Variants in COL28A1 observed in about 807,000 individuals in gnomAD.
COL28A1 encodes the protein collagen alpha-1(XXVIII) chain.
A neutral mutation model predicts 150.2 loss-of-function variants in COL28A1; 161 were observed. That is an observed-to-expected ratio of 1.07 (90% CI 0.94 to 1.22). The LOEUF is 1.22. COL28A1 is among the 50% of genes most tolerant of loss of function. The pLI is 0.00. For synonymous variants in COL28A1, 552 were observed against 469.7 expected, an observed-to-expected ratio of 1.18 and a Z score of -2.26; for missense variants, 1,617 against 1,388.3, an observed-to-expected ratio of 1.16 and a Z score of -2.62.
At chr7:7,449,396 G>A (rs192711821) in intron 18 of COL28A1, among the ~76,000 whole-genome samples, 72 of 152,060 alleles carry the variant, frequency 4.7e-4, no homozygotes, top group African/African-American at 7.9e-4. Flanking sequence ...AAAAAAGAAG[G>A]AAGCTTCCTT....
At chr7:7,490,225 A>G (rs936486905) in intron 12 of COL28A1, among the ~76,000 whole-genome samples, 5 of 152,132 alleles carry the variant, frequency 3.3e-5, no homozygotes, top group East Asian at 1.9e-4. Context: ...TGCTTATTCA[A>G]TGTGAACCAT....
intron 13 of COL28A1, among the ~76,000 whole-genome samples, chr7:7,486,252 T>C (rs56220786): frequency 0.17 from 26,355 of 152,148 alleles, 2,735 homozygotes; most frequent in African/African-American, 0.29. Context: ...TGTTCATTAC[T>C]AGTATACAGA....
intron 1 of COL28A1, among the ~76,000 whole-genome samples, chr7:7,535,469 A>G (rs1237659032): frequency 6.6e-6 from 1 of 152,150 alleles, no homozygotes; most frequent in Non-Finnish European, 1.5e-5. Flanking sequence ...CCCTGTTCCA[A>G]ATTAAGAAAA....
intron 27 of COL28A1, among the ~76,000 whole-genome samples, chr7:7,384,766 A>T (rs1462497660): frequency 1.3e-5 from 2 of 152,208 alleles, no homozygotes; most frequent in Admixed American, 6.5e-5. Flanking sequence ...AGAACCCTGG[A>T]TAGGAATTTG....
At position 7,432,458 on chromosome 7, in the gene COL28A1, ACT is replaced by A. The variant is rs746003481; in HGVS notation, c.1998+13_1998+14del. ...ACTCTTAGAAGCTAGTACGTTGCCT[ACT>A]TTAAAGTCTTACCTTTGCTCCAGTG... On this transcript the variant is annotated intron_variant, in intron 25 of 34. Transcript: ENST00000399429. The A allele has an allele frequency of 1.2e-6, 2 of 1,612,044 alleles. No individual in the cohort carries two copies. The highest frequency in any genetic ancestry group is 1.7e-6 in the Non-Finnish European group (2 of 1,178,214).
At chr7:7,407,955 A>T (rs1485759958) in intron 27 of COL28A1, among the ~76,000 whole-genome samples, 2 of 152,194 alleles carry the variant, frequency 1.3e-5, no homozygotes, top group African/African-American at 4.8e-5. Flanking sequence ...AAAAGACTTT[A>T]AGGCCAAAAG....
At chr7:7,425,871 A>C (rs1276338054) in intron 25 of COL28A1, among the ~76,000 whole-genome samples, 1 of 152,224 alleles carries the variant, frequency 6.6e-6, no homozygotes, top group East Asian at 1.9e-4. Flanking sequence ...AGTGACAAGG[A>C]AACAACCCAT....
chr7:7,502,081 G>C (rs568650457), intron 11 of COL28A1, among the ~76,000 whole-genome samples: 1 of 152,280 alleles, frequency 6.6e-6, no homozygotes, highest in African/African-American at 2.4e-5. Context: ...TGTTAGTAGA[G>C]ACGGGGTTTC....
intron 33 of COL28A1, among the ~76,000 whole-genome samples, chr7:7,364,751 T>C (rs1187877732): frequency 6.6e-6 from 1 of 152,228 alleles, no homozygotes; most frequent in East Asian, 1.9e-4. Flanking sequence ...CACTATCTTG[T>C]ATAATTTCTT....
chr7:7,368,497 G>A (rs180932206), intron 33 of COL28A1, among the ~76,000 whole-genome samples: 145 of 151,964 alleles, frequency 9.5e-4, no homozygotes, highest in African/African-American at 3.4e-3. Flanking sequence ...GATGCCTTAT[G>A]TAATGAACTA....
chr7:7,489,196 G>A (rs1301688553), intron 13 of COL28A1, among the ~76,000 whole-genome samples, 193 bp downstream of exon 13: 1 of 152,220 alleles, frequency 6.6e-6, no homozygotes, highest in Non-Finnish European at 1.5e-5. Flanking sequence ...CTTGCACCCA[G>A]GAGGTGGTGG....
chr7:7,431,120 G>C (rs10234818), intron 25 of COL28A1: 32,810 of 152,440 alleles, frequency 0.22, 4,851 homozygotes, highest in African/African-American at 0.42. Flanking sequence ...AAACCAAGGG[G>C]AGAAGTTGGC....
At chr7:7,543,143 A>G in the COL28A1 span, among the ~76,000 whole-genome samples, 14 of 152,220 alleles carry the variant, frequency 9.2e-5, no homozygotes, top group Non-Finnish European at 1.5e-4. Context: ...ACTGATTCAT[A>G]CAGATTGCTT....
intron 11 of COL28A1, among the ~76,000 whole-genome samples, chr7:7,497,265 A>G (rs1780270807): frequency 6.6e-6 from 1 of 152,222 alleles, no homozygotes; most frequent in South Asian, 2.1e-4. Flanking sequence ...CTTGGTCTAC[A>G]TTAGTATAAA....
intron 27 of COL28A1, 22 bp downstream of exon 27, chr7:7,417,837 C>G (rs1784188555): frequency 1.2e-6 from 2 of 1,605,492 alleles, no homozygotes; most frequent in Admixed American, 1.7e-5. Flanking sequence ...GAGGTGACTC[C>G]AGCACAACCC....
intron 27 of COL28A1, among the ~76,000 whole-genome samples, chr7:7,391,586 C>T (rs185099174): frequency 1.3e-5 from 2 of 152,114 alleles, no homozygotes; most frequent in African/African-American, 4.8e-5. Flanking sequence ...GTGTAAAAGT[C>T]TCCCACTATT....
chr7:7,449,941 G>C (rs1027637128), intron 18 of COL28A1, among the ~76,000 whole-genome samples: 1 of 152,032 alleles, frequency 6.6e-6, no homozygotes, highest in Non-Finnish European at 1.5e-5. Context: ...AATATGACAA[G>C]CCAACCCTAA....
rs2128282988 is a variant in COL28A1, at chr7:7,370,763, C to G, written c.3028G>C (p.Glu1010Gln). ...TCTTTTTGAGGCTCTGGAGTAGATTCACTGAGTTCTTCCCCTGACATCCCA... is the reference window on the plus strand; with the variant it reads ...TCTTTTTGAGGCTCTGGAGTAGATTGACTGAGTTCTTCCCCTGACATCCCA... ...GFGMSGEELS[E>Q]STPEPQKEIS... Residue 1010 changes from glutamate to glutamine, a missense_variant, in exon 33 of 35, where the codon GAA (glutamate) becomes CAA (glutamine). Physicochemically the swap from Glu to Gln is conservative, Grantham distance 29. Transcript: ENST00000399429. 6.2e-7 allele frequency: 1 copy of G among 1,613,768 alleles called. No homozygotes were observed. Among genetic ancestry groups the G allele is most frequent in the Non-Finnish European group, 8.5e-7 (1 of 1,179,860 alleles).
downstream of COL28A1, chr7:7,356,966 T>C (rs901493319): frequency 1.3e-5 from 2 of 152,184 alleles, no homozygotes; most frequent in Non-Finnish European, 2.9e-5. Flanking sequence ...TATTCTTCCA[T>C]CTCCTTCTTC....
Sources: allele counts gnomAD v4.1 joint callset (sites outside exome capture counted in the v4.1 genomes callset), GRCh38; gene constraint gnomAD v4.1.1; transcripts MANE v1.5; gene names NCBI Gene and HGNC (gene_info 2026-07-23, HGNC 2026-07-21).